The following FAM107A variants were observed in gnomAD, a reference collection of about 807,000 sequenced individuals.
FAM107A encodes family with sequence similarity 107 member A.
In FAM107A, 19 loss-of-function variants were observed where a neutral mutation model predicts 13.7. The ratio of observed to expected loss-of-function variants is 1.38; its 90% CI spans 0.97 to 2.03. The LOEUF (loss-of-function observed/expected upper bound fraction) is 2.03, where lower values mean the gene tolerates loss of function less well. Among genes scored for constraint, FAM107A ranks in the 30% most tolerant of loss-of-function variants. FAM107A has a pLI of 0.00. For synonymous variants in FAM107A, 82 were observed against 74.5 expected (o/e 1.10, Z -0.52); for missense variants, 203 against 184.4 (o/e 1.10, Z -0.58).
chr3:58,584,326 A>C (rs537772446), intron 1 of FAM107A, among the ~76,000 whole-genome samples: 6 of 152,322 alleles, frequency 3.9e-5, no homozygotes, highest in African/African-American at 1.4e-4. Context: ...ACAGAGGCCA[A>C]TAAATATTAG....
At position 58,604,500 on chromosome 3, in the gene FAM107A, AGT is replaced by A. The variant is rs2065777012; in HGVS notation, c.-69-15233_-69-15232del. On this transcript the variant is annotated intron_variant, in intron 1 of 3. Coordinates refer to the FAM107A transcript ENST00000465970. This position sits in a 1 kb window ranked among gnomAD's most constrained non-coding sequence, Gnocchi z 4.1. Reference sequence around the variant, plus strand: ...GCACAGAGCACTGAGGGACTCGCACAGTGAGTTAGTGGCAGGGTCATAACTTG... The same window carrying A: ...GCACAGAGCACTGAGGGACTCGCACAGAGTTAGTGGCAGGGTCATAACTTG... Among the ~76,000 whole-genome samples, 1 of 152,166 alleles carries A rather than the reference AGT, an allele frequency of 6.6e-6. No individual in the cohort carries two copies. The highest frequency in any genetic ancestry group is 6.5e-5 in the Admixed American group (1 of 15,278).
intron 1 of FAM107A, among the ~76,000 whole-genome samples, chr3:58,614,510 T>C (rs573629143): frequency 4.7e-4 from 71 of 151,204 alleles, no homozygotes; most frequent in Middle Eastern, 3.4e-3. Flanking sequence ...TTCTTTCTTT[T>C]TTTTTTTTTT....
intron 1 of FAM107A, among the ~76,000 whole-genome samples, chr3:58,595,876 T>C (rs185631719): frequency 1.3e-5 from 2 of 152,230 alleles, no homozygotes; most frequent in African/African-American, 2.4e-5. Flanking sequence ...ACCTAGATCA[T>C]TCCTGATGCA....
intron 1 of FAM107A, among the ~76,000 whole-genome samples, chr3:58,616,567 AC>A (rs1253553275): frequency 5.2e-4 from 73 of 141,740 alleles, no homozygotes; most frequent in Middle Eastern, 7.2e-3. Flanking sequence ...ACACACACAC[AC>A]CACCACTACC....
chr3:58,609,654 T>C (rs565167868), intron 1 of FAM107A, among the ~76,000 whole-genome samples: 15 of 152,336 alleles, frequency 9.8e-5, no homozygotes, highest in African/African-American at 3.6e-4. Context: ...CAGCCGCTTT[T>C]TGTTTTTCAA....
chr3:58,585,655 G>C (rs1351773557), intron 1 of FAM107A, among the ~76,000 whole-genome samples: 1 of 152,228 alleles, frequency 6.6e-6, no homozygotes, highest in Non-Finnish European at 1.5e-5. Context: ...GCAGAGGGTA[G>C]CTGGCCCGTG....
At chr3:58,583,700 G>A (rs1203155148) in intron 1 of FAM107A, among the ~76,000 whole-genome samples, 3 of 151,260 alleles carry the variant, frequency 2.0e-5, no homozygotes, top group Non-Finnish European at 4.4e-5. Context: ...TTTTGGGGGG[G>A]GACACGGTCT....
At chr3:58,596,437 G>A (rs1259219864) in intron 1 of FAM107A, among the ~76,000 whole-genome samples, 1 of 152,156 alleles carries the variant, frequency 6.6e-6, no homozygotes, top group African/African-American at 2.4e-5. Context: ...CAGCACTTTG[G>A]GAGGCTAAGG....
upstream of FAM107A, among the ~76,000 whole-genome samples, chr3:58,579,919 G>A (rs2065512137): frequency 6.6e-6 from 1 of 152,202 alleles, no homozygotes; most frequent in Non-Finnish European, 1.5e-5. Context: ...TAGCCCCAGG[G>A]CAGGTACCTA....
chr3:58,583,848 T>C (rs1169720186), intron 1 of FAM107A, among the ~76,000 whole-genome samples: 1 of 152,044 alleles, frequency 6.6e-6, no homozygotes, highest in Non-Finnish European at 1.5e-5. Flanking sequence ...GCTGGGCTAA[T>C]TTTTAAACAT....
chr3:58,616,781 T>TC (rs771136731), intron 1 of FAM107A, among the ~76,000 whole-genome samples: 6 of 151,998 alleles, frequency 3.9e-5, no homozygotes, highest in Admixed American at 6.6e-5. Context: ...CTCCCCAGTT[T>TC]CTTTTTTTTT....
rs1377927440 is a variant in FAM107A, at chr3:58,577,360, C to T, written c.-57G>A. On this transcript the variant is annotated 5_prime_UTR_variant, in exon 1 of 4. Transcript: ENST00000360997. This position sits in a 1 kb window ranked among gnomAD's most constrained non-coding sequence, Gnocchi z 4.9. ...AAGTCAGGAGCGTGTTGCTGGGTTCCTCACTCCACCGGGAAGTCCCAGACT... is the reference window on the plus strand; with the variant it reads ...AAGTCAGGAGCGTGTTGCTGGGTTCTTCACTCCACCGGGAAGTCCCAGACT... 4.2e-5 allele frequency: 41 copies of T among 985,442 alleles called. No individual in the cohort carries two copies. The highest frequency in any genetic ancestry group is 4.9e-5 in the Non-Finnish European group (41 of 829,954). The allele number at this position is 985,442 out of a possible 1,614,324, so 61.0% of individuals were successfully genotyped here.
upstream of FAM107A, among the ~76,000 whole-genome samples, chr3:58,588,581 G>T (rs1224454128): frequency 6.6e-6 from 1 of 152,212 alleles, no homozygotes; most frequent in Non-Finnish European, 1.5e-5. Flanking sequence ...CTTCAGGAGT[G>T]CCAGGCATGA....
chr3:58,620,201 G>A (rs1275693729), intron 1 of FAM107A, among the ~76,000 whole-genome samples: 6 of 152,320 alleles, frequency 3.9e-5, no homozygotes, highest in East Asian at 1.9e-4. Flanking sequence ...AGTGGTCAGC[G>A]TGGAGGAGAG....
At chr3:58,618,981 G>C (rs2065928970) in intron 1 of FAM107A, among the ~76,000 whole-genome samples, 1 of 152,196 alleles carries the variant, frequency 6.6e-6, no homozygotes, top group African/African-American at 2.4e-5. Flanking sequence ...TGATCAAAGA[G>C]TCTGAGGCAG....
chr3:58,596,435 T>C (rs1192387494), intron 1 of FAM107A, among the ~76,000 whole-genome samples: 1 of 152,144 alleles, frequency 6.6e-6, no homozygotes, highest in African/African-American at 2.4e-5. Flanking sequence ...CCCAGCACTT[T>C]GGGAGGCTAA....
At chr3:58,583,044 C>T (rs2065565855) in intron 1 of FAM107A, among the ~76,000 whole-genome samples, 1 of 152,208 alleles carries the variant, frequency 6.6e-6, no homozygotes, top group Non-Finnish European at 1.5e-5. Context: ...AGTGATCCAC[C>T]TGCCTTGGCC....
At chr3:58,616,556 CACACACACA>C in intron 1 of FAM107A, among the ~76,000 whole-genome samples, 1 of 151,462 alleles carries the variant, frequency 6.6e-6, no homozygotes, top group Admixed American at 6.6e-5. Context: ...CACACACACA[CACACACACA>C]CACCACCACT....
chr3:58,621,897 T>C (rs4681878), intron 1 of FAM107A, among the ~76,000 whole-genome samples: 71,370 of 152,136 alleles, frequency 0.47, 17,084 homozygotes, highest in East Asian at 0.6. Flanking sequence ...TCCTTACTGG[T>C]GACCTCTGAG....
Sources: allele counts gnomAD v4.1 joint callset (sites outside exome capture counted in the v4.1 genomes callset), GRCh38; gene constraint gnomAD v4.1.1; non-coding constraint Gnocchi (gnomAD v3.1); transcripts MANE v1.5; gene names NCBI Gene and HGNC (gene_info 2026-07-23, HGNC 2026-07-21).